The following PTPRD variants were observed in gnomAD, a reference collection of about 807,000 sequenced individuals.
PTPRD encodes protein tyrosine phosphatase receptor type D.
PTPRD carries 34 observed loss-of-function variants against 214.5 expected under a neutral mutation model. The ratio of observed to expected loss-of-function variants is 0.16; its 90% CI spans 0.12 to 0.21. The LOEUF (loss-of-function observed/expected upper bound fraction) is 0.21. Ranked by LOEUF, PTPRD falls within the 10% of genes least tolerant of loss-of-function variation. PTPRD has a pLI of 1.00. For synonymous variants in PTPRD, 1,128 were observed against 845.7 expected, an observed-to-expected ratio of 1.33 and a Z score of -5.79; for missense variants, 2,545 against 2,398.7, an observed-to-expected ratio of 1.06 and a Z score of -1.27.
chr9:8,437,130 T>G, intron 34 of PTPRD: 1 of 1,160,184 alleles, frequency 8.6e-7, no homozygotes, highest in South Asian at 1.5e-5. Flanking sequence ...GAGAAAGGCC[T>G]AAAAGGGAAA....
At chr9:8,697,521 C>G (rs1296318192) in intron 12 of PTPRD, among the ~76,000 whole-genome samples, 1 of 143,762 alleles carries the variant, frequency 7.0e-6, no homozygotes, top group Non-Finnish European at 1.5e-5. Flanking sequence ...CTCCCAGGTT[C>G]AAGCAATGCT....
chr9:10,371,688 T>C (rs902182398), intron 2 of PTPRD, among the ~76,000 whole-genome samples: 6 of 152,066 alleles, frequency 3.9e-5, no homozygotes, highest in Admixed American at 3.3e-4. Flanking sequence ...TCCTGACAAA[T>C]ATACACATGA....
chr9:10,249,778 T>C (rs2092598673), intron 3 of PTPRD, among the ~76,000 whole-genome samples: 1 of 152,140 alleles, frequency 6.6e-6, no homozygotes, highest in African/African-American at 2.4e-5. Context: ...TGGTAACAAA[T>C]ATCATACAGA....
intron 7 of PTPRD, among the ~76,000 whole-genome samples, chr9:9,685,926 A>T (rs867465311): frequency 5.3e-5 from 8 of 151,520 alleles, no homozygotes; most frequent in Middle Eastern, 3.4e-3. Flanking sequence ...GAAATGATAA[A>T]AATATTATCT....
At chr9:9,937,023 A>G (rs1327884847) in intron 5 of PTPRD, among the ~76,000 whole-genome samples, 2 of 151,954 alleles carry the variant, frequency 1.3e-5, no homozygotes, top group African/African-American at 4.8e-5. Context: ...GGAATTGAAC[A>G]ATGAGATCAC....
intron 43 of PTPRD, among the ~76,000 whole-genome samples, chr9:8,337,754 C>G (rs1564064005): frequency 1.3e-5 from 2 of 152,054 alleles, no homozygotes; most frequent in African/African-American, 4.8e-5. Flanking sequence ...GGAAAGGTGT[C>G]TCTGCCATTG....
Position 9,339,355 on chromosome 9 carries a change from G to A in PTPRD, c.-203+58094C>T, listed in dbSNP as rs565928020. ...AAAAAAATTAGCCAGGCATGGTGGT[G>A]GGTGCCTGTAGTCCCAGCTACTCGG... On this transcript the variant is annotated intron_variant, in intron 9 of 45. Transcript: ENST00000381196. Among the ~76,000 whole-genome samples the A allele has an allele frequency of 3.3e-5, 5 of 151,994 alleles. No individual in the cohort carries two copies. The South Asian group carries it at 1.0e-3, about 32-fold the overall frequency.
At chr9:9,908,145 G>A (rs2078133750) in intron 5 of PTPRD, among the ~76,000 whole-genome samples, 2 of 151,966 alleles carry the variant, frequency 1.3e-5, no homozygotes, top group Admixed American at 6.6e-5. Flanking sequence ...ATCTAGTTGG[G>A]CAAAGGAAAA....
intron 5 of PTPRD, among the ~76,000 whole-genome samples, chr9:9,893,289 A>G (rs759357261): frequency 6.6e-6 from 1 of 152,056 alleles, no homozygotes; most frequent in Non-Finnish European, 1.5e-5. Context: ...CTAAACATAA[A>G]TGTAAATTGG....
chr9:9,273,838 A>T (rs1192890506), intron 9 of PTPRD, among the ~76,000 whole-genome samples: 1 of 151,284 alleles, frequency 6.6e-6, no homozygotes, highest in African/African-American at 2.4e-5. Flanking sequence ...ATTCTTGTTC[A>T]TCATTCAGTC....
chr9:10,098,349 T>G (rs182641975), intron 3 of PTPRD, among the ~76,000 whole-genome samples: 6,511 of 37,394 alleles, frequency 0.17, 176 homozygotes, highest in Admixed American at 0.28. Context: ...GTTGTGGGGT[T>G]GGGGGAGGGG....
chr9:8,616,951 T>C (rs2095632037), intron 14 of PTPRD, among the ~76,000 whole-genome samples: 1 of 152,112 alleles, frequency 6.6e-6, no homozygotes, highest in Admixed American at 6.6e-5. Context: ...AGAAGTTCAG[T>C]TGGTAGTGGT....
chr9:10,349,081 A>G (rs1203707738), intron 2 of PTPRD, among the ~76,000 whole-genome samples: 3 of 151,970 alleles, frequency 2.0e-5, no homozygotes, highest in African/African-American at 4.8e-5. Flanking sequence ...CTTATTGTCT[A>G]TGTTATATTA....
intron 11 of PTPRD, among the ~76,000 whole-genome samples, chr9:8,999,190 A>G (rs571546936): frequency 6.6e-6 from 1 of 152,206 alleles, no homozygotes; most frequent in African/African-American, 2.4e-5. Flanking sequence ...ATATTCTACC[A>G]TGGGTATAAT....
chr9:9,231,432 C>T (rs1033055561), intron 9 of PTPRD, among the ~76,000 whole-genome samples: 1 of 152,080 alleles, frequency 6.6e-6, no homozygotes, highest in African/African-American at 2.4e-5. Flanking sequence ...AATCCTGGAA[C>T]TGATATAATA....
intron 7 of PTPRD, among the ~76,000 whole-genome samples, chr9:9,612,785 G>A (rs2094586881): frequency 6.6e-6 from 1 of 151,988 alleles, no homozygotes; most frequent in Non-Finnish European, 1.5e-5. Context: ...GATTCATGTT[G>A]ATATAAGAAA....
At chr9:8,367,795 A>G (rs1500321) in intron 39 of PTPRD, among the ~76,000 whole-genome samples, 71,027 of 152,050 alleles carry the variant, frequency 0.47, 20,273 homozygotes, top group Non-Finnish European at 0.65. Flanking sequence ...ATAATTTTTA[A>G]AAGTCAGTAA....
chr9:10,153,508 A>ATT (rs893059866), intron 3 of PTPRD, among the ~76,000 whole-genome samples: 5 of 150,494 alleles, frequency 3.3e-5, no homozygotes, highest in Admixed American at 2.0e-4. Context: ...ATTTTTATAT[A>ATT]TTATATATAT....
chr9:10,583,062 G>A (rs1456591524), intron 2 of PTPRD, among the ~76,000 whole-genome samples: 3 of 152,160 alleles, frequency 2.0e-5, no homozygotes, highest in Admixed American at 2.0e-4. Flanking sequence ...GTCTGGGAGT[G>A]GGTGGTATTA....
Sources: allele counts gnomAD v4.1 joint callset (sites outside exome capture counted in the v4.1 genomes callset), GRCh38; gene constraint gnomAD v4.1.1; transcripts MANE v1.5; gene names NCBI Gene and HGNC (gene_info 2026-07-23, HGNC 2026-07-21).